GALNTL6: variants seen among roughly 807,000 people sequenced by gnomAD.
GALNTL6 encodes polypeptide N-acetylgalactosaminyltransferase-like 6.
GALNTL6 carries 46 observed loss-of-function variants against 73.7 expected under a neutral mutation model. The ratio of observed to expected loss-of-function variants is 0.62; its 90% CI spans 0.49 to 0.80. The LOEUF is 0.80. Among genes scored for constraint, GALNTL6 ranks in the 30% least tolerant of loss-of-function variants. The probability of loss-of-function intolerance (pLI) is 0.00; values close to 1 mark genes in which losing one functional copy is unlikely to be tolerated. For missense variants in GALNTL6, 604 were observed against 755.0 expected, an observed-to-expected ratio of 0.80 and a Z score of 2.34; for synonymous variants, 259 against 263.7, an observed-to-expected ratio of 0.98 and a Z score of 0.17.
At chr4:172,744,824 T>A (rs1736999594) in intron 5 of GALNTL6, among the ~76,000 whole-genome samples, 1 of 135,114 alleles carries the variant, frequency 7.4e-6, no homozygotes, top group African/African-American at 2.8e-5. Flanking sequence ...AAGGATAGAT[T>A]TTAAGAGTGC....
chr4:171,836,589 T>C (rs907807750), intron 2 of GALNTL6, among the ~76,000 whole-genome samples: 3 of 152,112 alleles, frequency 2.0e-5, no homozygotes, highest in African/African-American at 7.2e-5. Flanking sequence ...ATCGTAAATA[T>C]GATATGATTG....
intron 5 of GALNTL6, among the ~76,000 whole-genome samples, chr4:172,481,325 C>T (rs1409545928): frequency 7.5e-6 from 1 of 133,576 alleles, no homozygotes; most frequent in East Asian, 2.6e-4. Context: ...GTGAGTGTTA[C>T]AGCTCATAAA....
At chr4:171,880,023 G>A (rs533141165) in intron 2 of GALNTL6, among the ~76,000 whole-genome samples, 4 of 152,216 alleles carry the variant, frequency 2.6e-5, no homozygotes, top group African/African-American at 9.6e-5. Flanking sequence ...TTTGTTAAGA[G>A]CTTACTGTTA....
intron 2 of GALNTL6, among the ~76,000 whole-genome samples, chr4:172,206,719 C>A (rs931614316): frequency 6.6e-6 from 1 of 151,368 alleles, no homozygotes; most frequent in African/African-American, 2.4e-5. Context: ...ATGCAAAGTC[C>A]CTGAGTCTGG....
chr4:172,065,066 T>C (rs1731318158), intron 2 of GALNTL6, among the ~76,000 whole-genome samples: 1 of 152,108 alleles, frequency 6.6e-6, no homozygotes, highest in South Asian at 2.1e-4. Context: ...ATTTAAAATA[T>C]CTTAGAGTTG....
At chr4:172,023,808 AAAT>A (rs1285922367) in intron 2 of GALNTL6, among the ~76,000 whole-genome samples, 1 of 151,872 alleles carries the variant, frequency 6.6e-6, no homozygotes, top group Admixed American at 6.6e-5. Context: ...AGAAACATGT[AAAT>A]ACATGGAGTT....
At chr4:172,656,745 C>T (rs1731041238) in intron 5 of GALNTL6, among the ~76,000 whole-genome samples, 1 of 152,186 alleles carries the variant, frequency 6.6e-6, no homozygotes, top group Non-Finnish European at 1.5e-5. Context: ...CTTAAAGTTT[C>T]CCTTTAATTC....
chr4:172,926,924 T>C (rs1475265319), intron 8 of GALNTL6, among the ~76,000 whole-genome samples: 2 of 152,226 alleles, frequency 1.3e-5, no homozygotes, highest in East Asian at 3.8e-4. Flanking sequence ...AAAAAATGAC[T>C]GTTCATTAGG....
chr4:172,730,826 A>T (rs1316170428), intron 5 of GALNTL6, among the ~76,000 whole-genome samples: 1 of 152,162 alleles, frequency 6.6e-6, no homozygotes, highest in African/African-American at 2.4e-5. Context: ...CCTGCCTGTA[A>T]TCCCAGCACT....
chr4:173,040,924 A>G lies in GALNTL6; in HGVS notation c.*824A>G, dbSNP rs1753870356. 6.6e-6 allele frequency: 1 copy of G among 152,570 alleles called. No homozygotes were observed. Among genetic ancestry groups the G allele is most frequent in the Non-Finnish European group, 1.5e-5 (1 of 68,034 alleles). 9.5% of individuals were successfully genotyped at this position (152,570 alleles called of 1,614,324 possible). On this transcript the variant is annotated 3_prime_UTR_variant, in exon 13 of 13. Coordinates refer to ENST00000506823, the MANE Select transcript of GALNTL6 (RefSeq NM_001034845.3). ...GCAGCAAAACCATATAAGATTTAGG[A>G]GAGGGACTTCCCTGGGAAATCTATT...
intron 2 of GALNTL6, among the ~76,000 whole-genome samples, chr4:171,819,451 C>A (rs1734626244): frequency 6.6e-6 from 1 of 152,132 alleles, no homozygotes; most frequent in African/African-American, 2.4e-5. Context: ...CTGAGTTGGA[C>A]AAGCTGTGCT....
At chr4:172,260,262 T>C (rs928894083) in intron 3 of GALNTL6, among the ~76,000 whole-genome samples, 2 of 151,882 alleles carry the variant, frequency 1.3e-5, no homozygotes, top group Non-Finnish European at 2.9e-5. Flanking sequence ...GTGTCATCTG[T>C]GATTTCTTTC....
intron 3 of GALNTL6, among the ~76,000 whole-genome samples, chr4:172,237,116 T>C (rs554714287): frequency 1.2e-4 from 19 of 152,310 alleles, no homozygotes; most frequent in Admixed American, 4.6e-4. Context: ...CAGTCTACCA[T>C]TGATTGGCAC....
intron 2 of GALNTL6, among the ~76,000 whole-genome samples, chr4:172,039,690 G>C (rs1321597247): frequency 6.6e-6 from 1 of 152,136 alleles, no homozygotes; most frequent in Non-Finnish European, 1.5e-5. Context: ...CAGAAGAAAA[G>C]GGGAGTGGGG....
chr4:173,024,289 T>C (rs1238854343), intron 12 of GALNTL6, among the ~76,000 whole-genome samples: 2 of 152,228 alleles, frequency 1.3e-5, no homozygotes, highest in Non-Finnish European at 2.9e-5. Context: ...TAGCTGTTGG[T>C]ATTGCATTAC....
At chr4:171,989,357 G>A (rs550457118) in intron 2 of GALNTL6, among the ~76,000 whole-genome samples, 39 of 152,298 alleles carry the variant, frequency 2.6e-4, no homozygotes, top group African/African-American at 9.4e-4. Context: ...CAGCATTCCA[G>A]GGGCTCTGGG....
At chr4:173,002,375 TG>T in intron 10 of GALNTL6, among the ~76,000 whole-genome samples, 1 of 150,492 alleles carries the variant, frequency 6.6e-6, no homozygotes, top group East Asian at 2.0e-4. Flanking sequence ...GGTGACAGAG[TG>T]AGACTCCATC....
intron 5 of GALNTL6, among the ~76,000 whole-genome samples, chr4:172,660,825 G>C (rs1731328960): frequency 6.6e-6 from 1 of 152,070 alleles, no homozygotes; most frequent in Non-Finnish European, 1.5e-5. Context: ...AAAATGAGAA[G>C]GTAATTAAGT....
intron 2 of GALNTL6, among the ~76,000 whole-genome samples, chr4:171,851,467 T>C (rs1417156796): frequency 6.6e-6 from 1 of 152,186 alleles, no homozygotes; most frequent in East Asian, 1.9e-4. Flanking sequence ...TGAGAGACTG[T>C]TATATATTAT....
Sources: gnomAD v4.1 joint callset for allele counts (sites outside exome capture counted in the v4.1 genomes callset) on GRCh38, gnomAD v4.1.1 for gene constraint, MANE v1.5 for transcripts, NCBI Gene and HGNC (gene_info 2026-07-23, HGNC 2026-07-21) for gene names.